The following PLEKHA6 variants were observed in gnomAD, a reference collection of about 807,000 sequenced individuals.
The protein encoded by PLEKHA6 is pleckstrin homology domain-containing family A member 6.
In PLEKHA6, 60 loss-of-function variants were observed where a neutral mutation model predicts 116.7. The ratio of observed to expected loss-of-function variants is 0.51; its 90% confidence interval spans 0.42 to 0.64. The LOEUF (loss-of-function observed/expected upper bound fraction) is 0.64, where lower values mean the gene tolerates loss of function less well. Ranked by LOEUF, PLEKHA6 falls within the 30% of genes least tolerant of loss-of-function variation. The pLI is 0.00. For synonymous variants in PLEKHA6, 489 were observed against 556.1 expected (o/e 0.88, Z 1.70); for missense variants, 1,338 against 1,422.7 (o/e 0.94, Z 0.96).
chr1:204,316,710 T>C (rs191230874), intron 1 of PLEKHA6, among the ~76,000 whole-genome samples: 1 of 152,248 alleles, frequency 6.6e-6, no homozygotes. Context: ...TTTAAGCCCA[T>C]TCTCCACTGG....
Position 204,241,496 on chromosome 1 carries a change from A to C in PLEKHA6, c.2303-15T>G. On this transcript the variant is annotated splice_polypyrimidine_tract_variant and intron_variant, in intron 16 of 22. Transcript: ENST00000272203. ...CACAACGCCAACTGCAGAAAGACAG[A>C]GTAGCCAGTGGGCCTCATGGAGAGC... The C allele has an allele frequency of 3.2e-6, 5 of 1,559,190 alleles. No homozygotes were observed. In the South Asian group the frequency reaches 3.6e-5, roughly 11 times the overall value.
chr1:204,247,775 G>T (rs938866767), intron 12 of PLEKHA6, among the ~76,000 whole-genome samples: 1 of 152,082 alleles, frequency 6.6e-6, no homozygotes, highest in Admixed American at 6.5e-5. Context: ...TGGGGAAAAT[G>T]ACAAGACCCC....
At chr1:204,243,329 G>A (rs1663122256) in intron 15 of PLEKHA6, 1 of 399,454 alleles carries the variant, frequency 2.5e-6, no homozygotes, top group East Asian at 3.6e-5. Flanking sequence ...CAGGAGAAAA[G>A]AGCGTTAGCA....
chr1:204,266,231 G>C (rs1183627018), intron 5 of PLEKHA6, among the ~76,000 whole-genome samples: 4 of 152,200 alleles, frequency 2.6e-5, no homozygotes, highest in African/African-American at 9.7e-5. Context: ...TTGGACCCCA[G>C]GGCTGCCTTC....
At chr1:204,363,010 G>C (rs1673590496), upstream of PLEKHA6, among the ~76,000 whole-genome samples, 1 of 152,204 alleles carries the variant, frequency 6.6e-6, no homozygotes, top group African/African-American at 2.4e-5. Flanking sequence ...CTTCTTTACT[G>C]TTCTGGGGTG....
At chr1:204,248,732 C>G (rs895799435) in intron 12 of PLEKHA6, 89 bp downstream of exon 12, 1 of 1,254,516 alleles carries the variant, frequency 8.0e-7, no homozygotes, top group Admixed American at 1.9e-5. Context: ...CTGAGGAAAA[C>G]TGGACTAGGA....
chr1:204,349,285 T>G (rs1183391423), intron 1 of PLEKHA6, among the ~76,000 whole-genome samples: 1 of 152,154 alleles, frequency 6.6e-6, no homozygotes, highest in Non-Finnish European at 1.5e-5. Flanking sequence ...ACGCCTATAA[T>G]CCCAGCACTT....
At chr1:204,296,064 C>T (rs1174693314) in intron 1 of PLEKHA6, among the ~76,000 whole-genome samples, 2 of 152,120 alleles carry the variant, frequency 1.3e-5, no homozygotes, top group African/African-American at 2.4e-5. Context: ...GTGTCAGTGT[C>T]GTGGATGCAG....
At chr1:204,350,189 C>T (rs114671548) in intron 1 of PLEKHA6, among the ~76,000 whole-genome samples, 2,415 of 152,210 alleles carry the variant, frequency 0.016, 64 homozygotes, top group African/African-American at 0.056. Context: ...GGCACAGTGG[C>T]AAGCACGTGT....
chr1:204,252,694 C>T (rs768159528), intron 9 of PLEKHA6, among the ~76,000 whole-genome samples: 5 of 152,194 alleles, frequency 3.3e-5, no homozygotes, highest in Admixed American at 6.5e-5. Flanking sequence ...TTCCTCTTAC[C>T]CCTTTTAGGC....
intron 1 of PLEKHA6, among the ~76,000 whole-genome samples, chr1:204,318,202 C>A (rs1183201618): frequency 1.3e-5 from 2 of 152,172 alleles, no homozygotes; most frequent in Non-Finnish European, 2.9e-5. Context: ...GGTGTCTGTC[C>A]TGGCTTTAGA....
chr1:204,259,940 C>T lies in PLEKHA6; in HGVS notation c.525-200G>A, dbSNP rs1665894730. Among the ~76,000 whole-genome samples the T allele has an allele frequency of 6.6e-6, 1 of 152,122 alleles. No individual in the cohort carries two copies. Among genetic ancestry groups the T allele is most frequent in the Non-Finnish European group, 1.5e-5 (1 of 68,018 alleles). On this transcript the variant is annotated intron_variant, in intron 7 of 22. Transcript: ENST00000272203. The surrounding 1 kb of genome is among the most constrained non-coding windows in gnomAD (Gnocchi z 4.6). ...CCAGCCTGGGAAATTATTATACAAC[C>T]TAATCCGCCCCTGCCCACACCTGCT...
intron 3 of PLEKHA6, among the ~76,000 whole-genome samples, chr1:204,366,344 G>A (rs1369221112): frequency 1.3e-5 from 2 of 152,076 alleles, no homozygotes; most frequent in African/African-American, 4.8e-5. Flanking sequence ...ACTTTGAAAG[G>A]AAGACGAAGA....
chr1:204,366,092 A>G (rs910631878), intron 3 of PLEKHA6, among the ~76,000 whole-genome samples: 5 of 152,234 alleles, frequency 3.3e-5, no homozygotes, highest in Non-Finnish European at 7.3e-5. Context: ...ATGGGACACG[A>G]GGTCAGAGAG....
At chr1:204,283,628 C>T (rs1005879992) in intron 1 of PLEKHA6, among the ~76,000 whole-genome samples, 5 of 152,192 alleles carry the variant, frequency 3.3e-5, no homozygotes, top group Non-Finnish European at 7.3e-5. Flanking sequence ...TCCTGCGATG[C>T]ACCCAATCTG....
chr1:204,362,432 C>A (rs758318689), upstream of PLEKHA6, among the ~76,000 whole-genome samples: 1 of 152,156 alleles, frequency 6.6e-6, no homozygotes, highest in Non-Finnish European at 1.5e-5. Context: ...TACTCATGGT[C>A]TCCAAACACA....
chr1:204,358,572 C>A (rs1673478707), intron 1 of PLEKHA6, among the ~76,000 whole-genome samples: 1 of 152,224 alleles, frequency 6.6e-6, no homozygotes, highest in Non-Finnish European at 1.5e-5. Flanking sequence ...CAGGACCCTG[C>A]CCCACCATGC....
intron 10 of PLEKHA6, 80 bp from the exon 11 acceptor site, chr1:204,249,344 A>G: frequency 9.5e-7 from 1 of 1,049,690 alleles, no homozygotes; most frequent in Non-Finnish European, 1.5e-6. Flanking sequence ...TGGGAGTTAT[A>G]GGCCTGGCCT....
At chr1:204,295,165 A>G (rs1284522773) in intron 1 of PLEKHA6, among the ~76,000 whole-genome samples, 1 of 152,168 alleles carries the variant, frequency 6.6e-6, no homozygotes, top group South Asian at 2.1e-4. Flanking sequence ...CTAAGGGTCA[A>G]CATTACTGGA....
Sources: allele counts gnomAD v4.1 joint callset (sites outside exome capture counted in the v4.1 genomes callset), GRCh38; gene constraint gnomAD v4.1.1; non-coding constraint Gnocchi (gnomAD v3.1); transcripts MANE v1.5; gene names NCBI Gene and HGNC (gene_info 2026-07-23, HGNC 2026-07-21).